The following SLC14A2 variants were observed in gnomAD, a reference collection of about 807,000 sequenced individuals.
The protein encoded by SLC14A2 is solute carrier family 14 member 2.
Under a neutral mutation model 104.6 loss-of-function variants are expected in SLC14A2, and 91 were observed. The ratio of observed to expected loss-of-function variants is 0.87; its 90% CI spans 0.73 to 1.04. The LOEUF (loss-of-function observed/expected upper bound fraction) is 1.04. Ranked by LOEUF, SLC14A2 falls within the 50% of genes least tolerant of loss-of-function variation. The pLI, the probability that SLC14A2 is intolerant of heterozygous loss-of-function variation, is 0.00. For missense variants in SLC14A2, 1,189 were observed against 1,156.0 expected (o/e 1.03, Z -0.41); for synonymous variants, 476 against 466.4 (o/e 1.02, Z -0.27).
intron 1 of SLC14A2, among the ~76,000 whole-genome samples, chr18:45,244,335 A>G (rs2084347796): frequency 6.7e-6 from 1 of 150,194 alleles, no homozygotes; most frequent in African/African-American, 2.5e-5. Flanking sequence ...AGCCGGGGGG[A>G]GGGGGGTGGT....
chr18:45,191,976 A>C, the SLC14A2 span, among the ~76,000 whole-genome samples: 12 of 152,196 alleles, frequency 7.9e-5, no homozygotes, highest in Non-Finnish European at 1.3e-4. Context: ...TAGCCCCCAA[A>C]GAGGAATTAC....
rs1267081745 is a variant in SLC14A2, at chr18:45,216,943, T to C, written c.-125+3752T>C. On this transcript the variant is annotated intron_variant, in intron 1 of 20. Coordinates refer to the SLC14A2 transcript ENST00000586448. Reference sequence around the variant, plus strand: ...TATCTGGTGAGAACTTCCCTTCTTGTCTATTCTCCACACTCTAAGTTAGGG... The same window carrying C: ...TATCTGGTGAGAACTTCCCTTCTTGCCTATTCTCCACACTCTAAGTTAGGG... Among the ~76,000 whole-genome samples the C allele has an allele frequency of 2.6e-5, 4 of 152,162 alleles. No individual in the cohort carries two copies. In the East Asian group the frequency reaches 5.8e-4, roughly 22 times the overall value.
intron 1 of SLC14A2, among the ~76,000 whole-genome samples, chr18:45,327,947 A>G (rs2085252375): frequency 6.6e-6 from 1 of 152,218 alleles, no homozygotes; most frequent in South Asian, 2.1e-4. Context: ...ACTAAAAATG[A>G]GAAGGACATG....
intron 1 of SLC14A2, among the ~76,000 whole-genome samples, chr18:45,312,454 G>T (rs1225382800): frequency 1.3e-5 from 2 of 151,926 alleles, no homozygotes; most frequent in African/African-American, 4.8e-5. Context: ...CTAATTACTG[G>T]GTATTGACCT....
chr18:45,675,959 GCCC>G (rs1221264537), intron 18 of SLC14A2, among the ~76,000 whole-genome samples: 1 of 151,740 alleles, frequency 6.6e-6, no homozygotes, highest in Non-Finnish European at 1.5e-5. Context: ...AGACAGAACA[GCCC>G]CACTGGAATT....
chr18:45,284,702 G>GA (rs1332040938), intron 1 of SLC14A2, among the ~76,000 whole-genome samples: 1 of 152,104 alleles, frequency 6.6e-6, no homozygotes, highest in Non-Finnish European at 1.5e-5. Context: ...GTTGACTGAT[G>GA]AAAAAACCTG....
At position 45,519,876 on chromosome 18, in the gene SLC14A2, A is replaced by G. The variant is rs117048021; in HGVS notation, c.-35+36554A>G. The stretch of plus-strand genomic sequence containing the variant: ...GGTCTCTGAAGGAAACCAGAATCAG[A>G]TGGGACTCCTACACTAGGAATTAAC... On this transcript the variant is annotated intron_variant, in intron 2 of 20. Transcript: ENST00000586448. 6.0e-3 allele frequency among the ~76,000 whole-genome samples: 915 copies of G among 152,272 alleles called. 4 individuals carry two copies. Among genetic ancestry groups the G allele is most frequent in the Admixed American group, 0.013 (194 of 15,300 alleles).
chr18:45,674,504 G>A (rs1057066477), intron 18 of SLC14A2, among the ~76,000 whole-genome samples: 8 of 151,620 alleles, frequency 5.3e-5, no homozygotes, highest in Non-Finnish European at 1.2e-4. Context: ...CAGTGACTAC[G>A]AACTCTAAAC....
the SLC14A2 span, among the ~76,000 whole-genome samples, chr18:45,186,888 G>A: frequency 1.4e-4 from 22 of 152,186 alleles, no homozygotes; most frequent in Non-Finnish European, 2.4e-4. Flanking sequence ...TGTTTTTATG[G>A]TGAAGATCCT....
chr18:45,536,453 G>C (rs2043784728), intron 2 of SLC14A2, among the ~76,000 whole-genome samples: 1 of 152,196 alleles, frequency 6.6e-6, no homozygotes, highest in South Asian at 2.1e-4. Context: ...GGCTTCTGCT[G>C]ATGGCCGGCA....
At chr18:45,593,175 G>C (rs943822492) in intron 2 of SLC14A2, among the ~76,000 whole-genome samples, 1 of 151,950 alleles carries the variant, frequency 6.6e-6, no homozygotes, top group Admixed American at 6.6e-5. Context: ...AAAATTAGCC[G>C]GGCGTGGTGG....
At chr18:45,223,922 C>T (rs1048269633) in intron 1 of SLC14A2, among the ~76,000 whole-genome samples, 4 of 152,186 alleles carry the variant, frequency 2.6e-5, no homozygotes, top group Non-Finnish European at 5.9e-5. Flanking sequence ...ATACAAATTG[C>T]TATTATGTCA....
chr18:45,180,476 A>T, the SLC14A2 span, among the ~76,000 whole-genome samples: 1 of 152,336 alleles, frequency 6.6e-6, no homozygotes, highest in Non-Finnish European at 1.5e-5. Context: ...CATTCACTTA[A>T]ACATAGAATT....
intron 10 of SLC14A2, among the ~76,000 whole-genome samples, chr18:45,645,914 G>A (rs2045618075): frequency 6.6e-6 from 1 of 152,098 alleles, no homozygotes; most frequent in Non-Finnish European, 1.5e-5. Context: ...CGGTGCACAG[G>A]CCCAAACAGA....
chr18:45,655,185 G>C (rs989541920), intron 10 of SLC14A2, among the ~76,000 whole-genome samples: 8 of 152,206 alleles, frequency 5.3e-5, no homozygotes, highest in Admixed American at 5.2e-4. Flanking sequence ...GACCTAGTCT[G>C]TGCAGCCACT....
chr18:45,601,366 ATCTC>A (rs2044789253), intron 2 of SLC14A2, among the ~76,000 whole-genome samples: 1 of 152,202 alleles, frequency 6.6e-6, no homozygotes, highest in South Asian at 2.1e-4. Flanking sequence ...CAGATCCCAG[ATCTC>A]TCTGTCATCT....
chr18:45,441,795 G>A (rs529501726), intron 1 of SLC14A2, among the ~76,000 whole-genome samples: 3 of 152,312 alleles, frequency 2.0e-5, no homozygotes, highest in South Asian at 2.1e-4. Flanking sequence ...TATGAAGCAT[G>A]CACTGCATTT....
At chr18:45,590,761 G>C (rs532758982) in intron 2 of SLC14A2, among the ~76,000 whole-genome samples, 1 of 152,330 alleles carries the variant, frequency 6.6e-6, no homozygotes, top group Non-Finnish European at 1.5e-5. Flanking sequence ...TTCATGCCTA[G>C]AAAATTATCA....
intron 1 of SLC14A2, among the ~76,000 whole-genome samples, chr18:45,227,550 C>T (rs1003589471): frequency 2.0e-5 from 3 of 152,196 alleles, no homozygotes; most frequent in Non-Finnish European, 2.9e-5. Context: ...TTTATTTGGG[C>T]CTTAATCCCA....
Sources: gnomAD v4.1 joint callset for allele counts (sites outside exome capture counted in the v4.1 genomes callset) on GRCh38, gnomAD v4.1.1 for gene constraint, MANE v1.5 for transcripts, NCBI Gene and HGNC (gene_info 2026-07-23, HGNC 2026-07-21) for gene names.